MTR: variants seen among roughly 807,000 people sequenced by gnomAD.
MTR encodes the protein methionine synthase.
MTR carries 84 observed loss-of-function variants against 154.8 expected under a neutral mutation model. The ratio of observed to expected loss-of-function variants is 0.54; its 90% CI spans 0.45 to 0.65. MTR has a LOEUF of 0.65. MTR is among the 30% of genes least tolerant of loss of function. MTR has a pLI of 0.00. For synonymous variants in MTR, 554 were observed against 553.9 expected, an observed-to-expected ratio of 1.00 and a Z score of 0.00; for missense variants, 1,275 against 1,570.2, an observed-to-expected ratio of 0.81 and a Z score of 3.18.
chr1:236,850,300 A>G (rs768397426), intron 15 of MTR, 44 bp from the exon 16 acceptor site: 9 of 1,381,236 alleles, frequency 6.5e-6, no homozygotes, highest in Admixed American at 1.9e-5. Flanking sequence ...ATTTTAATAG[A>G]TAATTTTTCT....
intron 21 of MTR, among the ~76,000 whole-genome samples, 175 bp from the exon 22 acceptor site, chr1:236,863,279 A>G (rs891851335): frequency 6.6e-6 from 1 of 152,282 alleles, no homozygotes; most frequent in African/African-American, 2.4e-5. Context: ...CCCTTGGGCT[A>G]GCCCATTAGG....
At chr1:236,897,262 A>G (rs1666676154) in intron 32 of MTR, 144 bp downstream of exon 32, 1 of 699,814 alleles carries the variant, frequency 1.4e-6, no homozygotes, top group Non-Finnish European at 2.5e-6. Flanking sequence ...TGATTTCAAT[A>G]GAATACCTCT....
chr1:236,897,152 T>A, intron 32 of MTR, 34 bp downstream of exon 32: 5 of 1,468,318 alleles, frequency 3.4e-6, no homozygotes, highest in Non-Finnish European at 3.8e-6. Context: ...GTGGCTTGCC[T>A]AGTTCAAATG....
At chr1:236,894,981 C>G (rs1417963328) in intron 30 of MTR, 1 of 363,338 alleles carries the variant, frequency 2.8e-6, no homozygotes, top group Non-Finnish European at 5.1e-6. Context: ...TAGCCTTTGC[C>G]CTGGGGAGAG....
chr1:236,861,290 T>C lies in MTR; in HGVS notation c.2196+13T>C, dbSNP rs766682191. 9.9e-6 allele frequency: 16 copies of C among 1,613,682 alleles called. No homozygotes were observed. Among genetic ancestry groups the C allele is most frequent in the Admixed American group, 3.3e-5 (2 of 59,988 alleles). On this transcript the variant is annotated intron_variant, in intron 20 of 32. Transcript: ENST00000366577. ...GTTTCTACCTCAGGTTAGCAAAATATGGGGAGAAATTTTCACAGTTGCATC... is the reference window on the plus strand; with the variant it reads ...GTTTCTACCTCAGGTTAGCAAAATACGGGGAGAAATTTTCACAGTTGCATC...
chr1:236,822,688 T>G (rs1005410010), intron 8 of MTR, among the ~76,000 whole-genome samples: 4 of 152,242 alleles, frequency 2.6e-5, no homozygotes, highest in Non-Finnish European at 4.4e-5. Flanking sequence ...TTACCTTGTA[T>G]TTTGAAACCT....
At chr1:236,878,491 G>A (rs933247958) in intron 24 of MTR, among the ~76,000 whole-genome samples, 27 of 152,174 alleles carry the variant, frequency 1.8e-4, no homozygotes, top group East Asian at 5.8e-4. Flanking sequence ...CAAGATACTC[G>A]AAATGAAGGT....
chr1:236,824,431 G>C (rs531719699), intron 9 of MTR, among the ~76,000 whole-genome samples: 1 of 152,168 alleles, frequency 6.6e-6, no homozygotes, highest in Non-Finnish European at 1.5e-5. Context: ...CAGAACTTCC[G>C]GAAATGAGCT....
intron 8 of MTR, chr1:236,820,655 C>T: frequency 2.0e-6 from 1 of 511,054 alleles, no homozygotes; most frequent in Non-Finnish European, 3.5e-6. Flanking sequence ...AGTTTTAATT[C>T]ATTTGGGTAA....
chr1:236,890,139 G>A (rs1666235645), intron 28 of MTR, among the ~76,000 whole-genome samples: 2 of 144,906 alleles, frequency 1.4e-5, no homozygotes, highest in South Asian at 4.2e-4. Flanking sequence ...CTTTTGCCAA[G>A]TTTCCCACGG....
chr1:236,830,621 C>G (rs975609980), intron 12 of MTR, among the ~76,000 whole-genome samples: 1 of 152,142 alleles, frequency 6.6e-6, no homozygotes, highest in Non-Finnish European at 1.5e-5. Context: ...CATAATAGAT[C>G]ATAAGTACTT....
intron 29 of MTR, 23 bp from the exon 30 acceptor site, chr1:236,894,334 C>T: frequency 6.2e-7 from 1 of 1,613,372 alleles, no homozygotes; most frequent in Non-Finnish European, 8.5e-7. Flanking sequence ...CCCCCGCACA[C>T]TCCTACACTC....
At chr1:236,801,777 T>C (rs1468007693) in intron 1 of MTR, among the ~76,000 whole-genome samples, 1 of 152,194 alleles carries the variant, frequency 6.6e-6, no homozygotes, top group East Asian at 1.9e-4. Flanking sequence ...TTGAGTAACA[T>C]GTATTCAGTC....
At chr1:236,894,999 CT>C in intron 30 of MTR, 2 of 372,366 alleles carry the variant, frequency 5.4e-6, no homozygotes, top group Non-Finnish European at 1.0e-5. Flanking sequence ...GAGCCTCTCC[CT>C]TTTCCTGCAG....
At chr1:236,816,718 T>G (rs534196828) in intron 8 of MTR, among the ~76,000 whole-genome samples, 175 bp downstream of exon 8, 78 of 152,340 alleles carry the variant, frequency 5.1e-4, no homozygotes, top group African/African-American at 1.8e-3. Context: ...AGAAGATCGC[T>G]GCCTAAACGG....
chr1:236,834,977 G>A (rs1662821901), intron 13 of MTR, among the ~76,000 whole-genome samples: 1 of 152,132 alleles, frequency 6.6e-6, no homozygotes, highest in Non-Finnish European at 1.5e-5. Context: ...TTCTTTTCAT[G>A]TAACTTCTAT....
chr1:236,881,250 A>T (rs1166059406), intron 25 of MTR, among the ~76,000 whole-genome samples: 1 of 152,186 alleles, frequency 6.6e-6, no homozygotes, highest in East Asian at 1.9e-4. Flanking sequence ...AGACAGAAAA[A>T]CATCTGCTAG....
intron 20 of MTR, among the ~76,000 whole-genome samples, chr1:236,861,865 C>T (rs1664568530): frequency 6.6e-6 from 1 of 152,048 alleles, no homozygotes; most frequent in Non-Finnish European, 1.5e-5. Flanking sequence ...AGTTTTAAAG[C>T]TGGGGATTGA....
chr1:236,881,595 T>A (rs188122625), intron 25 of MTR, among the ~76,000 whole-genome samples: 1 of 152,192 alleles, frequency 6.6e-6, no homozygotes, highest in Admixed American at 6.5e-5. Context: ...ACCACAGATT[T>A]AGCCCAGCCT....
Sources: gnomAD v4.1 joint callset for allele counts (sites outside exome capture counted in the v4.1 genomes callset) on GRCh38, gnomAD v4.1.1 for gene constraint, MANE v1.5 for transcripts, NCBI Gene and HGNC (gene_info 2026-07-23, HGNC 2026-07-21) for gene names.